Variants in PBX3 observed in about 807,000 individuals in gnomAD.
PBX3 encodes the protein pre-B-cell leukemia transcription factor 3.
A neutral mutation model predicts 48.5 loss-of-function variants in PBX3; 14 were observed. The observed-to-expected ratio is 0.29, with a 90% CI of 0.19 to 0.45. PBX3 has a LOEUF of 0.45. PBX3 is among the 20% of genes least tolerant of loss of function. PBX3 has a pLI of 1.00. For synonymous variants in PBX3, 210 were observed against 200.3 expected, an observed-to-expected ratio of 1.05 and a Z score of -0.41; for missense variants, 386 against 546.7, an observed-to-expected ratio of 0.71 and a Z score of 2.93.
intron 2 of PBX3, among the ~76,000 whole-genome samples, chr9:125,910,288 G>A (rs1023488460): frequency 6.6e-6 from 1 of 151,992 alleles, no homozygotes; most frequent in Non-Finnish European, 1.5e-5. Context: ...CCCTCTCCAC[G>A]TCAGGGCCCT....
chr9:125,793,464 C>T (rs1254592062), intron 2 of PBX3, among the ~76,000 whole-genome samples: 1 of 149,452 alleles, frequency 6.7e-6, no homozygotes, highest in Non-Finnish European at 1.5e-5. Flanking sequence ...GAGTCTGACT[C>T]TGTCTGCCAG....
chr9:125,900,870 A>G (rs1320444893), intron 2 of PBX3, among the ~76,000 whole-genome samples: 1 of 151,458 alleles, frequency 6.6e-6, no homozygotes, highest in Non-Finnish European at 1.5e-5. Flanking sequence ...TTCTTCTTTC[A>G]GGTTCATCCC....
chr9:125,773,646 T>C (rs1201599562), intron 2 of PBX3, among the ~76,000 whole-genome samples: 2 of 152,202 alleles, frequency 1.3e-5, no homozygotes, highest in African/African-American at 4.8e-5. Context: ...CAAGGGCGTC[T>C]GTTTCTAGCA....
At chr9:125,810,201 T>G (rs1838246503) in intron 2 of PBX3, among the ~76,000 whole-genome samples, 1 of 152,218 alleles carries the variant, frequency 6.6e-6, no homozygotes. Context: ...TAAAAATTTC[T>G]GTTTTCTCAG....
chr9:125,770,494 A>G (rs1407125514), intron 2 of PBX3, among the ~76,000 whole-genome samples: 1 of 152,160 alleles, frequency 6.6e-6, no homozygotes, highest in East Asian at 1.9e-4. Context: ...CTTCCTTCTC[A>G]TACTTTAGAA....
chr9:125,761,852 G>A (rs1049366692), intron 2 of PBX3, among the ~76,000 whole-genome samples: 2 of 152,248 alleles, frequency 1.3e-5, no homozygotes, highest in Non-Finnish European at 2.9e-5. Context: ...TGCAGAGACT[G>A]GTACCGAGTA....
At chr9:125,748,366 T>G in intron 1 of PBX3, 184 bp from the exon 2 acceptor site, 1 of 1,323,934 alleles carries the variant, frequency 7.6e-7, no homozygotes, top group South Asian at 1.7e-5. Flanking sequence ...GCTGCAGCTT[T>G]CGCCGCCGGG....
intron 2 of PBX3, among the ~76,000 whole-genome samples, chr9:125,801,790 T>TACACATACACACAC (rs1554857078): frequency 1.4e-5 from 2 of 146,322 alleles, no homozygotes; most frequent in South Asian, 4.3e-4. Flanking sequence ...TGTATACACA[T>TACACATACACACAC]ACACACACAC....
At chr9:125,816,702 A>G (rs145492331) in intron 2 of PBX3, among the ~76,000 whole-genome samples, 1 of 152,086 alleles carries the variant, frequency 6.6e-6, no homozygotes, top group African/African-American at 2.4e-5. Context: ...GACTGGGGAA[A>G]GGGTTGTGTC....
intron 2 of PBX3, among the ~76,000 whole-genome samples, chr9:125,803,912 TG>T (rs1285569332): frequency 6.6e-6 from 1 of 152,210 alleles, no homozygotes; most frequent in Non-Finnish European, 1.5e-5. Flanking sequence ...TGTGCTAGCC[TG>T]GTTTGCTAGC....
At position 125,932,129 on chromosome 9, in the gene PBX3, G is replaced by C. The variant is rs1055384330; in HGVS notation, c.707+2284G>C. 1.1e-4 allele frequency among the ~76,000 whole-genome samples: 17 copies of C among 152,180 alleles called. No homozygotes were observed. The East Asian group carries it at 3.1e-3, about 28-fold the overall frequency. On this transcript the variant is annotated intron_variant, in intron 4 of 8. Coordinates refer to ENST00000373489, the MANE Select transcript of PBX3 (RefSeq NM_006195.6). ...ACTTCCCTGGCTCCCACAACAAACT[G>C]TCTCTCTAAGCTGGTTACCAGTAAT...
At chr9:125,816,155 T>A (rs1284099726) in intron 2 of PBX3, among the ~76,000 whole-genome samples, 1 of 151,908 alleles carries the variant, frequency 6.6e-6, no homozygotes, top group Non-Finnish European at 1.5e-5. Flanking sequence ...CCTGGCTAAT[T>A]TTGGTTTTTG....
At chr9:125,783,298 C>CT (rs1349302198) in intron 2 of PBX3, among the ~76,000 whole-genome samples, 1 of 151,758 alleles carries the variant, frequency 6.6e-6, no homozygotes, top group East Asian at 1.9e-4. Flanking sequence ...TATTCTTTTT[C>CT]TTTTTTTGAG....
chr9:125,758,048 T>TA, intron 2 of PBX3, among the ~76,000 whole-genome samples: 1 of 152,222 alleles, frequency 6.6e-6, no homozygotes, highest in Non-Finnish European at 1.5e-5. Context: ...AGTGATGTGA[T>TA]ACTGAGGATG....
rs142043548 is a variant in PBX3 at position 125,860,826 on chromosome 9, G to A, written c.275-54860G>A. ...CACGTGAACCCAGGAGGCAGAGGTT[G>A]CAGTGAGCTGAGATCGTGCAACTGT... is the stretch of plus-strand genomic sequence containing the variant. On this transcript the variant is annotated intron_variant, in intron 2 of 8. Coordinates refer to ENST00000373489, the MANE Select transcript of PBX3 (RefSeq NM_006195.6). Among the ~76,000 whole-genome samples, 49 of 146,534 alleles carry A rather than the reference G, an allele frequency of 3.3e-4. No homozygotes were observed. In the East Asian group the frequency reaches 9.9e-3, roughly 30 times the overall value.
chr9:125,964,452 A>T (rs1296892289), intron 8 of PBX3, among the ~76,000 whole-genome samples: 1 of 152,068 alleles, frequency 6.6e-6, no homozygotes, highest in African/African-American at 2.4e-5. Context: ...CACCGAACAC[A>T]CATGGGCATG....
chr9:125,966,010 A>G lies in PBX3; in HGVS notation c.*87A>G. ...GAAAAGGAAAGCGTTTTTGTAGCCCACCATCTACAGCTTTACTGTAAAACC... is the reference window on the plus strand; with the variant it reads ...GAAAAGGAAAGCGTTTTTGTAGCCCGCCATCTACAGCTTTACTGTAAAACC... On this transcript the variant is annotated 3_prime_UTR_variant, in exon 9 of 9. Coordinates refer to ENST00000373489, the MANE Select transcript of PBX3 (RefSeq NM_006195.6). The G allele has an allele frequency of 1.1e-6, 1 of 883,108 alleles. No individual in the cohort carries two copies. The highest frequency in any genetic ancestry group is 1.9e-6 in the Non-Finnish European group (1 of 532,626). The allele number at this position is 883,108 out of a possible 1,614,324, so 54.7% of individuals were successfully genotyped here.
rs1319504890 is a variant in PBX3, at chr9:125,919,348, A to C, written c.516+3421A>C. On this transcript the variant is annotated intron_variant, in intron 3 of 8. Transcript: ENST00000373489. The stretch of plus-strand genomic sequence containing the variant: ...CCTGGGATTACAGGCGTCTGCCATC[A>C]TGCCCGTCTAATTTTTTTTTTTTTT... Among the ~76,000 whole-genome samples, 3 of 145,434 alleles carry C rather than the reference A, an allele frequency of 2.1e-5. No homozygotes were observed. In the Admixed American group the frequency reaches 2.1e-4, roughly 10 times the overall value.
At chr9:125,805,620 A>C (rs1275255931) in intron 2 of PBX3, among the ~76,000 whole-genome samples, 2 of 152,200 alleles carry the variant, frequency 1.3e-5, no homozygotes, top group Non-Finnish European at 2.9e-5. Context: ...ATGTTTAGTA[A>C]TAGAACTTGG....
Sources: allele counts gnomAD v4.1 joint callset (sites outside exome capture counted in the v4.1 genomes callset), GRCh38; gene constraint gnomAD v4.1.1; transcripts MANE v1.5; gene names NCBI Gene and HGNC (gene_info 2026-07-23, HGNC 2026-07-21).